The following TP63 variants were observed in gnomAD, a reference collection of about 807,000 sequenced individuals.
TP63 encodes the protein tumor protein p63, also known as tumor protein 63.
Under a neutral mutation model 82.8 loss-of-function variants are expected in TP63, and 17 were observed. The ratio of observed to expected loss-of-function variants is 0.21; its 90% CI spans 0.14 to 0.31. The LOEUF is 0.31. TP63 is among the 10% of genes least tolerant of loss of function. The probability of loss-of-function intolerance (pLI) is 1.00; values close to 1 mark genes in which losing one functional copy is unlikely to be tolerated. For missense variants in TP63, 648 were observed against 895.3 expected, an observed-to-expected ratio of 0.72 and a Z score of 3.52; for synonymous variants, 330 against 321.7, an observed-to-expected ratio of 1.03 and a Z score of -0.28.
chr3:189,828,281 A>C (rs1711751008), intron 4 of TP63, among the ~76,000 whole-genome samples: 1 of 151,042 alleles, frequency 6.6e-6, no homozygotes. Flanking sequence ...AGATACGGAG[A>C]TATGGGCAGG....
rs1721428738 is a variant in TP63, at chr3:189,895,884, A to G, written c.*1382A>G. 4.4e-6 allele frequency: 1 copy of G among 225,922 alleles called. No homozygotes were observed. Among genetic ancestry groups the G allele is most frequent in the Non-Finnish European group, 8.8e-6 (1 of 113,652 alleles). The allele number at this position is 225,922 out of a possible 1,614,324, so 14.0% of individuals were successfully genotyped here. The stretch of plus-strand genomic sequence containing the variant: ...GTATCATTTTCTTTTTTAACCGGTA[A>G]GAGTTTCAGTTTGTTGGAAAGTAAC... On this transcript the variant is annotated 3_prime_UTR_variant, in exon 14 of 14. Transcript: ENST00000264731.
At chr3:189,690,224 G>A (rs1361849333) in intron 1 of TP63, among the ~76,000 whole-genome samples, 1 of 152,136 alleles carries the variant, frequency 6.6e-6, no homozygotes, top group Non-Finnish European at 1.5e-5. Context: ...ATCTACAAAT[G>A]AAGAACCCAA....
chr3:189,816,733 G>C (rs1201107351), intron 4 of TP63, among the ~76,000 whole-genome samples: 1 of 152,144 alleles, frequency 6.6e-6, no homozygotes, highest in African/African-American at 2.4e-5. Context: ...ACATTTTGTA[G>C]ATATGGAATG....
At chr3:189,890,119 T>G (rs931346108) in intron 12 of TP63, among the ~76,000 whole-genome samples, 2 of 152,240 alleles carry the variant, frequency 1.3e-5, no homozygotes, top group Non-Finnish European at 1.5e-5. Flanking sequence ...ATCTTCTTCT[T>G]CTGCTTCATG....
intron 3 of TP63, among the ~76,000 whole-genome samples, chr3:189,795,170 A>G (rs935414084): frequency 2.0e-5 from 3 of 152,116 alleles, no homozygotes; most frequent in East Asian, 1.9e-4. Flanking sequence ...AAAAAGTAGT[A>G]TAAATTTGGC....
At chr3:189,637,534 T>C (rs146726438) in intron 1 of TP63, among the ~76,000 whole-genome samples, 140 of 152,210 alleles carry the variant, frequency 9.2e-4, no homozygotes, top group African/African-American at 3.2e-3. Flanking sequence ...GTTAAGTGTA[T>C]TGTCAAAGAT....
At chr3:189,887,474 A>G (rs1720574182) in intron 11 of TP63, among the ~76,000 whole-genome samples, 1 of 152,136 alleles carries the variant, frequency 6.6e-6, no homozygotes, top group African/African-American at 2.4e-5. Context: ...CATATCAGCT[A>G]AGTACAAATG....
intron 1 of TP63, among the ~76,000 whole-genome samples, chr3:189,670,100 A>G (rs1269627102): frequency 6.6e-6 from 1 of 152,062 alleles, no homozygotes; most frequent in Non-Finnish European, 1.5e-5. Flanking sequence ...GATACTTGAT[A>G]ATTGTAAAGA....
rs546594808 is a variant in TP63, at chr3:189,815,000, T to A, written c.579+6474T>A. Among the ~76,000 whole-genome samples the A allele has an allele frequency of 2.9e-3, 310 of 108,642 alleles. 17 individuals are homozygous for A. In the South Asian group the frequency reaches 0.088, roughly 31 times the overall value. 71.3% of individuals were successfully genotyped at this position (108,642 alleles called of 152,430 possible). ...ATAAAGCTTATATTTCTTTTCCTAC[T>A]ACAAAGAGTAACAGCAAAAATCCTC... On this transcript the variant is annotated intron_variant, in intron 4 of 13. Coordinates refer to ENST00000264731, the MANE Select transcript of TP63 (RefSeq NM_003722.5).
intron 3 of TP63, among the ~76,000 whole-genome samples, chr3:189,778,233 A>C (rs1319186861): frequency 6.6e-6 from 1 of 152,186 alleles, no homozygotes; most frequent in Admixed American, 6.5e-5. Flanking sequence ...TAGTGTTTGA[A>C]AGGAAATGTG....
chr3:189,667,854 C>A (rs1714537697), intron 1 of TP63, among the ~76,000 whole-genome samples: 1 of 152,168 alleles, frequency 6.6e-6, no homozygotes, highest in Admixed American at 6.5e-5. Context: ...AACTTCTTAA[C>A]CTTGCTTTTG....
At chr3:189,780,834 C>T (rs1046240333) in intron 3 of TP63, among the ~76,000 whole-genome samples, 7 of 152,276 alleles carry the variant, frequency 4.6e-5, no homozygotes, top group Admixed American at 3.9e-4. Flanking sequence ...CTGGCGGTGA[C>T]AGTGATGTCA....
intron 4 of TP63, among the ~76,000 whole-genome samples, chr3:189,858,653 C>T (rs1341621491): frequency 6.6e-6 from 1 of 152,124 alleles, no homozygotes; most frequent in Non-Finnish European, 1.5e-5. Context: ...GTAGTGCGCA[C>T]CTGTAGCCCT....
chr3:189,857,941 A>G (rs1716493548), intron 4 of TP63, among the ~76,000 whole-genome samples: 1 of 152,224 alleles, frequency 6.6e-6, no homozygotes, highest in Admixed American at 6.5e-5. Flanking sequence ...TGAAAAATTA[A>G]AAATATAACT....
intron 1 of TP63, among the ~76,000 whole-genome samples, chr3:189,692,324 C>G (rs1314611114): frequency 6.6e-6 from 1 of 151,716 alleles, no homozygotes; most frequent in Non-Finnish European, 1.5e-5. Context: ...TCCTCTTTCC[C>G]TCTGTTCTCT....
chr3:189,656,008 C>T (rs1041972972), intron 1 of TP63, among the ~76,000 whole-genome samples: 1 of 152,120 alleles, frequency 6.6e-6, no homozygotes, highest in Non-Finnish European at 1.5e-5. Context: ...TGACTCTTGC[C>T]TTATCCAGGT....
chr3:189,695,219 T>C (rs946363861), intron 1 of TP63, among the ~76,000 whole-genome samples: 2 of 152,126 alleles, frequency 1.3e-5, no homozygotes, highest in African/African-American at 4.8e-5. Context: ...GATAGTTATG[T>C]TATACATTGG....
At chr3:189,757,770 A>G (rs1173636020) in intron 3 of TP63, among the ~76,000 whole-genome samples, 1 of 152,176 alleles carries the variant, frequency 6.6e-6, no homozygotes, top group Non-Finnish European at 1.5e-5. Context: ...TCAGATGACC[A>G]TAAGGTGATG....
intron 3 of TP63, among the ~76,000 whole-genome samples, chr3:189,783,519 G>A (rs1515501): frequency 0.12 from 18,552 of 151,690 alleles, 1,217 homozygotes; most frequent in East Asian, 0.33. Flanking sequence ...AGTGAGTTTT[G>A]TATAATAAAA....
Sources: gnomAD v4.1 joint callset for allele counts (sites outside exome capture counted in the v4.1 genomes callset) on GRCh38, gnomAD v4.1.1 for gene constraint, MANE v1.5 for transcripts, NCBI Gene and HGNC (gene_info 2026-07-23, HGNC 2026-07-21) for gene names.